BDP1: variants seen among roughly 807,000 people sequenced by gnomAD.
BDP1 encodes the protein transcription factor TFIIIB component B'' homolog.
In BDP1, 169 loss-of-function variants were observed where a neutral mutation model predicts 266.6. The ratio of observed to expected loss-of-function variants is 0.63; its 90% CI spans 0.56 to 0.72. The LOEUF (loss-of-function observed/expected upper bound fraction) is 0.72. Among genes scored for constraint, BDP1 ranks in the 30% least tolerant of loss-of-function variants. BDP1 has a pLI of 0.00. For missense variants in BDP1, 3,015 were observed against 3,053.8 expected (o/e 0.99, Z 0.30); for synonymous variants, 1,090 against 1,022.4 (o/e 1.07, Z -1.26).
intron 6 of BDP1, among the ~76,000 whole-genome samples, chr5:71,468,263 C>T (rs968821005): frequency 6.6e-6 from 1 of 152,018 alleles, no homozygotes; most frequent in African/African-American, 2.4e-5. Flanking sequence ...AGGTGGTCTG[C>T]TCACCTTGGC....
intron 2 of BDP1, among the ~76,000 whole-genome samples, chr5:71,460,681 T>G (rs936013553): frequency 6.6e-6 from 1 of 152,126 alleles, no homozygotes; most frequent in Non-Finnish European, 1.5e-5. Flanking sequence ...GCTACTGCAT[T>G]CCAGCCTGGG....
At position 71,489,415 on chromosome 5, in the gene BDP1, G is replaced by C; in HGVS notation, c.1225G>C (p.Ala409Pro). Residue 409 changes from alanine to proline, a missense_variant, in exon 10 of 39, where the codon GCC (alanine) becomes CCC (proline). Around this residue, in one of 3 missense-constraint regions of BDP1, gnomAD observed 2,383 missense variants for 2,404.9 expected, o/e 0.99. Transcript: ENST00000358731. ...TCTCTTGTTTTCAGTGAAAAAAGTT[G>C]CCTGTGAAGGAGTGAATAATGATCC... ...PRKNVKVKKVACEGVNNDPDE... is the reference protein window; with the variant it reads ...PRKNVKVKKVPCEGVNNDPDE... 6.3e-7 allele frequency: 1 copy of C among 1,580,518 alleles called. No individual in the cohort carries two copies. The highest frequency in any genetic ancestry group is 8.6e-7 in the Non-Finnish European group (1 of 1,168,510).
rs1467575785 is a variant in BDP1, at chr5:71,567,485, A to C, written c.*2600A>C. 4 of 152,382 alleles carry C rather than the reference A, an allele frequency of 2.6e-5. No individual in the cohort carries two copies. Among genetic ancestry groups the C allele is most frequent in the African/African-American group, 9.7e-5 (4 of 41,440 alleles). The allele number at this position is 152,382 out of a possible 1,614,324, so 9.4% of individuals were successfully genotyped here. A position where few individuals can be genotyped will look rare whatever the true frequency, so the allele number is the denominator to read the frequency against. On this transcript the variant is annotated 3_prime_UTR_variant, in exon 39 of 39. Transcript: ENST00000358731. The stretch of plus-strand genomic sequence containing the variant: ...GTTAGGTCTGATTCATGTGAAGAAG[A>C]TGTTGCAAAGGATTTATTTCACAAA...
At chr5:71,531,329 CT>C (rs1304112851) in intron 25 of BDP1, among the ~76,000 whole-genome samples, 1 of 151,778 alleles carries the variant, frequency 6.6e-6, no homozygotes, top group Non-Finnish European at 1.5e-5. Context: ...AGGTAAATAC[CT>C]TTTTAGTGCT....
At chr5:71,466,817 G>A (rs1160062664) in intron 5 of BDP1, among the ~76,000 whole-genome samples, 3 of 152,026 alleles carry the variant, frequency 2.0e-5, no homozygotes, top group Non-Finnish European at 4.4e-5. Flanking sequence ...TGAAAGTTTA[G>A]CCAGTGAAAA....
At chr5:71,479,807 A>G (rs1276592020) in intron 7 of BDP1, among the ~76,000 whole-genome samples, 1 of 152,130 alleles carries the variant, frequency 6.6e-6, no homozygotes, top group African/African-American at 2.4e-5. Context: ...CGGCCTCCCA[A>G]AGTACTGGGA....
intron 26 of BDP1, among the ~76,000 whole-genome samples, chr5:71,535,854 C>G (rs1766567337): frequency 6.6e-6 from 1 of 152,066 alleles, no homozygotes; most frequent in South Asian, 2.1e-4. Context: ...GGAAAGGACA[C>G]CAGTCATATT....
Position 71,501,672 on chromosome 5 carries a change from G to GT in BDP1, c.2048+20dup, listed in dbSNP as rs1764242060. The GT allele has an allele frequency of 1.1e-5, 4 of 379,546 alleles. No individual in the cohort carries two copies. In the South Asian group the frequency reaches 1.8e-4, roughly 17 times the overall value. The allele number at this position is 379,546 out of a possible 1,614,324, so 23.5% of individuals were successfully genotyped here. ...TATCTGTGTGAGTATTCAGGAAGTA[G>GT]TAAAAAAAAAAAAAAAAAAAAGTAA... On this transcript the variant is annotated intron_variant, in intron 14 of 38. Coordinates refer to ENST00000358731, the MANE Select transcript of BDP1 (RefSeq NM_018429.3).
chr5:71,497,345 G>A lies in BDP1; in HGVS notation c.1875G>A (p.Arg625=), dbSNP rs1474199938. 1.2e-6 allele frequency: 2 copies of A among 1,613,658 alleles called. No individual in the cohort carries two copies. Among genetic ancestry groups the A allele is most frequent in the African/African-American group, 2.7e-5 (2 of 74,910 alleles). The stretch of plus-strand genomic sequence containing the variant: ...AAAGACCTAAACCCAATTTGTCAAG[G>A]GCTGGGAAGAAATCAGTTCTTTCAC... The part of the protein sequence containing the change: ...RFQRPKPNLS[R]AGKKSVLSQG... Residue 625 remains arginine, a synonymous_variant, in exon 13 of 39, where the codon AGG becomes AGA. Coordinates refer to ENST00000358731, the MANE Select transcript of BDP1 (RefSeq NM_018429.3).
In BDP1 at chr5:71,455,908, C is replaced by G; in HGVS notation, c.31C>G (p.Pro11Ala). Residue 11 changes from proline (P) to alanine (A), a missense_variant, in exon 1 of 39, where the codon CCG (proline) becomes GCG (alanine). Pro to Ala is a conservative substitution (Grantham distance 27, BLOSUM62 -1). This residue lies in a region of BDP1 where 2,383 missense variants were observed against 2,404.9 expected (regional missense o/e 0.99). Transcript: ENST00000358731. ...CCGCAGGGCACGCCTTAGCGTGAAG[C>G]CGAATGTCAGGCCTGGTGTAGGCGC... The part of the protein sequence containing the change: MFRRARLSVK[P>A]NVRPGVGARG... 6.2e-7 allele frequency: 1 copy of G among 1,605,000 alleles called. No homozygotes were observed. The highest frequency in any genetic ancestry group is 8.5e-7 in the Non-Finnish European group (1 of 1,176,070).
intron 7 of BDP1, among the ~76,000 whole-genome samples, chr5:71,478,222 C>T (rs936702799): frequency 6.6e-6 from 1 of 152,110 alleles, no homozygotes; most frequent in African/African-American, 2.4e-5. Flanking sequence ...GGACTCTAGC[C>T]TGGGTAACAA....
chr5:71,458,497 AT>A, intron 1 of BDP1, 81 bp from the exon 2 acceptor site: 1 of 1,064,520 alleles, frequency 9.4e-7, no homozygotes, highest in South Asian at 2.3e-5. Flanking sequence ...GCAGTTTTGG[AT>A]TTTCACCAGA....
intron 9 of BDP1, 53 bp downstream of exon 9, chr5:71,486,680 A>G (rs943332751): frequency 2.6e-5 from 37 of 1,405,824 alleles, no homozygotes; most frequent in Non-Finnish European, 3.3e-5. Flanking sequence ...ATAAACTTGC[A>G]ATATTGTCCC....
At chr5:71,465,334 C>T (rs1761840594) in intron 4 of BDP1, among the ~76,000 whole-genome samples, 1 of 151,978 alleles carries the variant, frequency 6.6e-6, no homozygotes, top group East Asian at 1.9e-4. Flanking sequence ...GGCTGGGGTG[C>T]AGTGGTGTGA....
chr5:71,532,214 T>C (rs1164285396), intron 25 of BDP1, 94 bp from the exon 26 acceptor site: 9 of 1,045,356 alleles, frequency 8.6e-6, no homozygotes, highest in Non-Finnish European at 1.2e-5. Flanking sequence ...TTCTTCATTT[T>C]AGCGTTTCAT....
At chr5:71,535,430 T>C (rs1388754116) in intron 26 of BDP1, among the ~76,000 whole-genome samples, 8 of 151,650 alleles carry the variant, frequency 5.3e-5, no homozygotes, top group African/African-American at 1.9e-4. Context: ...GTCTCGAACT[T>C]CTGACCTCAG....
intron 7 of BDP1, among the ~76,000 whole-genome samples, chr5:71,478,994 G>T (rs1339732366): frequency 6.6e-6 from 1 of 151,928 alleles, no homozygotes; most frequent in Non-Finnish European, 1.5e-5. Flanking sequence ...TTTTATTTCT[G>T]ATACTGTATT....
chr5:71,498,966 C>T (rs1764063921), intron 13 of BDP1, among the ~76,000 whole-genome samples: 1 of 152,028 alleles, frequency 6.6e-6, no homozygotes, highest in Non-Finnish European at 1.5e-5. Flanking sequence ...TCAAGTGATC[C>T]GTGTGCGTTG....
Position 71,495,340 on chromosome 5 carries a change from G to T in BDP1, c.1731G>T (p.Leu577Phe), listed in dbSNP as rs747613780. 2.5e-5 allele frequency: 40 copies of T among 1,606,330 alleles called. No individual in the cohort carries two copies. The highest frequency in any genetic ancestry group is 3.1e-5 in the Non-Finnish European group (37 of 1,175,520). The change falls in exon 12 of 39, where the codon TTG becomes TTT. Residue 577 changes from leucine (L) to phenylalanine (F), a missense_variant. Physicochemically the swap from Leu to Phe is conservative, Grantham distance 22. This residue lies in a region of BDP1 where 2,383 missense variants were observed against 2,404.9 expected (regional missense o/e 0.99). Transcript: ENST00000358731. ...LPSFEVGIRALCEVNNAEGSC... is the reference protein window; with the variant it reads ...LPSFEVGIRAFCEVNNAEGSC... ...CATTCGAAGTTGGAATTAGAGCATTGTGTGAGGTGAATAATGCTGAGGGTA... is the reference window on the plus strand; with the variant it reads ...CATTCGAAGTTGGAATTAGAGCATTTTGTGAGGTGAATAATGCTGAGGGTA...
Sources: gnomAD v4.1 joint callset for allele counts (sites outside exome capture counted in the v4.1 genomes callset) on GRCh38, gnomAD v4.1.1 for gene constraint, gnomAD v4.1.1 regional missense constraint, MANE v1.5 for transcripts, NCBI Gene and HGNC (gene_info 2026-07-23, HGNC 2026-07-21) for gene names.